Variants in CSF2 observed in about 807,000 individuals in gnomAD.
CSF2 encodes granulocyte-macrophage colony-stimulating factor.
A neutral mutation model predicts 13.5 loss-of-function variants in CSF2; 2 were observed. The observed-to-expected ratio is 0.15, with a 90% CI of 0.06 to 0.47. The LOEUF is 0.47. Among genes scored for constraint, CSF2 ranks in the 20% least tolerant of loss-of-function variants. The pLI is 0.97. For missense variants in CSF2, 141 were observed against 179.7 expected (o/e 0.78, Z 1.23); for synonymous variants, 66 against 69.2 (o/e 0.95, Z 0.23).
At chr5:132,075,007 C>A in intron 3 of CSF2, 72 bp downstream of exon 3, 1 of 1,607,968 alleles carries the variant, frequency 6.2e-7, no homozygotes, top group Non-Finnish European at 8.5e-7. Flanking sequence ...GGGGAGAGAT[C>A]TATGGCTGTG....
rs965489034 is a variant in CSF2, at chr5:132,075,642, C to T, written c.328-103C>T. On this transcript the variant is annotated intron_variant, in intron 3 of 3. Coordinates refer to ENST00000296871, the MANE Select transcript of CSF2 (RefSeq NM_000758.4). ...GTGTGTCCTGGAGTGGGCCTCCTGG[C>T]CTCTGAGTTCTAAGAGGCAGTAGAG... The T allele has an allele frequency of 3.4e-5, 31 of 923,480 alleles. No homozygotes were observed. In the East Asian group the frequency reaches 5.3e-4, roughly 16 times the overall value. 57.2% of individuals were successfully genotyped at this position (923,480 alleles called of 1,614,324 possible). A position where few individuals can be genotyped will look rare whatever the true frequency, so the allele number is the denominator to read the frequency against.
chr5:132,074,795 C>T lies in CSF2; in HGVS notation c.202-15C>T, dbSNP rs202195700. 6 of 1,613,838 alleles carry T rather than the reference C, an allele frequency of 3.7e-6. No homozygotes were observed. The African/African-American group carries it at 5.3e-5, about 14-fold the overall frequency. On this transcript the variant is annotated splice_polypyrimidine_tract_variant and intron_variant, in intron 2 of 3. Coordinates refer to ENST00000296871, the MANE Select transcript of CSF2 (RefSeq NM_000758.4). ...CACTTGGCCACTGCTCACCGACGAACGACATTTTCCACAGGAGCCGACCTG... is the reference window on the plus strand; with the variant it reads ...CACTTGGCCACTGCTCACCGACGAATGACATTTTCCACAGGAGCCGACCTG...
rs1446476889 is a variant in CSF2 at position 132,075,769 on chromosome 5, A to G, written c.352A>G (p.Ile118Val). 7 of 1,609,864 alleles carry G rather than the reference A, an allele frequency of 4.3e-6. No homozygotes were observed. Among genetic ancestry groups the G allele is most frequent in the Non-Finnish European group, 5.9e-6 (7 of 1,179,748 alleles). ...TPETSCATQIITFESFKENLK... is the reference protein window; with the variant it reads ...TPETSCATQIVTFESFKENLK... The stretch of plus-strand genomic sequence containing the variant: ...GGAAACTTCCTGTGCAACCCAGATT[A>G]TCACCTTTGAAAGTTTCAAAGAGAA... Residue 118 changes from isoleucine (I) to valine (V), a missense_variant, in exon 4 of 4, where the codon ATC becomes GTC. Physicochemically the swap from Ile to Val is conservative, Grantham distance 29. Coordinates refer to ENST00000296871, the MANE Select transcript of CSF2 (RefSeq NM_000758.4).
At position 132,073,859 on chromosome 5, in the gene CSF2, G is replaced by A. The variant is rs200740065; in HGVS notation, c.36G>A (p.Val12=). ...WLQSLLLLGT[V]ACSISAPARS... ...AGAGCCTGCTGCTCTTGGGCACTGT[G>A]GCCTGCAGCATCTCTGCACCCGCCC... The change falls in exon 1 of 4, where the codon GTG becomes GTA. Residue 12 remains valine (V), a synonymous_variant. Transcript: ENST00000296871. 2 of 1,612,870 alleles carry A rather than the reference G, an allele frequency of 1.2e-6. No individual in the cohort carries two copies. The highest frequency in any genetic ancestry group is 3.3e-5 in the Admixed American group (2 of 60,030).
intron 3 of CSF2, 57 bp downstream of exon 3, chr5:132,074,992 G>A (rs944284313): frequency 2.7e-5 from 44 of 1,610,826 alleles, no homozygotes; most frequent in Non-Finnish European, 3.5e-5. Context: ...GGGTGGGGTC[G>A]ACATGGGGAG....
Position 132,075,845 on chromosome 5 carries a change from A to G in CSF2, c.428A>G (p.Gln143Arg), listed in dbSNP as rs770771439. The G allele has an allele frequency of 6.8e-6, 11 of 1,608,782 alleles. No individual in the cohort carries two copies. The African/African-American group carries it at 1.5e-4, about 21-fold the overall frequency. ...VIPFDCWEPV[Q>R]E ...CCCTTTGACTGCTGGGAGCCAGTCC[A>G]GGAGTGAGACCGGCCAGATGAGGCT... Residue 143 changes from glutamine to arginine, a missense_variant, in exon 4 of 4, where the codon CAG becomes CGG. Coordinates refer to ENST00000296871, the MANE Select transcript of CSF2 (RefSeq NM_000758.4).
At position 132,073,817 on chromosome 5, in the gene CSF2, C is replaced by T; in HGVS notation, c.-7C>T. On this transcript the variant is annotated 5_prime_UTR_variant, in exon 1 of 4. Coordinates refer to ENST00000296871, the MANE Select transcript of CSF2 (RefSeq NM_000758.4). ...ACACAGAGAGAAAGGCTAAAGTTCT[C>T]TGGAGGATGTGGCTGCAGAGCCTGC... 6.2e-7 allele frequency: 1 copy of T among 1,612,136 alleles called. No homozygotes were observed.
chr5:132,074,786 AC>A (rs1301396203), intron 2 of CSF2, 23 bp from the exon 3 acceptor site: 1 of 1,613,660 alleles, frequency 6.2e-7, no homozygotes, highest in East Asian at 2.2e-5. Context: ...GCCACTGCTC[AC>A]CGACGAACGA....
intron 3 of CSF2, 87 bp from the exon 4 acceptor site, chr5:132,075,658 G>A: frequency 1.9e-6 from 2 of 1,051,142 alleles, no homozygotes; most frequent in East Asian, 2.4e-5. Context: ...AGTTCTAAGA[G>A]GCAGTAGAGA....
chr5:132,074,748 A>G, intron 2 of CSF2, 62 bp from the exon 3 acceptor site: 4 of 1,613,314 alleles, frequency 2.5e-6, no homozygotes, highest in African/African-American at 1.3e-5. Flanking sequence ...GGAGTGGTGG[A>G]GAGTTCTTGT....
At chr5:132,074,596 C>T (rs536428936) in intron 2 of CSF2, among the ~76,000 whole-genome samples, 13 of 152,280 alleles carry the variant, frequency 8.5e-5, no homozygotes, top group African/African-American at 2.6e-4. Flanking sequence ...GGGCTCCTCT[C>T]CAGGTGCCGC....
chr5:132,075,403 C>T lies in CSF2; in HGVS notation c.328-342C>T, dbSNP rs866959577. On this transcript the variant is annotated intron_variant, in intron 3 of 3. Coordinates refer to ENST00000296871, the MANE Select transcript of CSF2 (RefSeq NM_000758.4). ...TGCGGGAAGGGAGCAAAGTTTGTGGCCTTGACTCCACTCCTTCTGGGTGCC... is the reference window on the plus strand; with the variant it reads ...TGCGGGAAGGGAGCAAAGTTTGTGGTCTTGACTCCACTCCTTCTGGGTGCC... 7.9e-5 allele frequency among the ~76,000 whole-genome samples: 12 copies of T among 152,270 alleles called. No homozygotes were observed. The South Asian group carries it at 8.3e-4, about 10-fold the overall frequency.
chr5:132,074,869 C>T lies in CSF2; in HGVS notation c.261C>T (p.Leu87=). 3 of 1,613,576 alleles carry T rather than the reference C, an allele frequency of 1.9e-6. No individual in the cohort carries two copies. Among genetic ancestry groups the T allele is most frequent in the Non-Finnish European group, 2.5e-6 (3 of 1,180,038 alleles). The part of the protein sequence containing the change: ...ELYKQGLRGS[L]TKLKGPLTMM... The stretch of plus-strand genomic sequence containing the variant: ...ACAAGCAGGGCCTGCGGGGCAGCCT[C>T]ACCAAGCTCAAGGGCCCCTTGACCA... The change falls in exon 3 of 4, where the codon CTC becomes CTT. Residue 87 remains leucine, a synonymous_variant. Coordinates refer to ENST00000296871, the MANE Select transcript of CSF2 (RefSeq NM_000758.4).
At position 132,075,810 on chromosome 5, in the gene CSF2, G is replaced by T; in HGVS notation, c.393G>T (p.Leu131=). The stretch of plus-strand genomic sequence containing the variant: ...TCAAAGAGAACCTGAAGGACTTTCT[G>T]CTTGTCATCCCCTTTGACTGCTGGG... The part of the protein sequence containing the change: ...ESFKENLKDF[L]LVIPFDCWEP... Residue 131 remains leucine, a synonymous_variant, in exon 4 of 4, where the codon CTG becomes CTT. Transcript: ENST00000296871. 2 of 1,611,376 alleles carry T rather than the reference G, an allele frequency of 1.2e-6. No individual in the cohort carries two copies. Among genetic ancestry groups the T allele is most frequent in the Non-Finnish European group, 8.5e-7 (1 of 1,179,912 alleles).
Position 132,073,928 on chromosome 5 carries a change from C to T in CSF2, c.105C>T (p.Ala35=). The T allele has an allele frequency of 6.2e-7, 1 of 1,613,372 alleles. No homozygotes were observed. The highest frequency in any genetic ancestry group is 8.5e-7 in the Non-Finnish European group (1 of 1,180,036). ...PSTQPWEHVN[A]IQEARRLLNL... Reference sequence around the variant, plus strand: ...CGCAGCCCTGGGAGCATGTGAATGCCATCCAGGAGGCCCGGCGTCTCCTGA... The same window carrying T: ...CGCAGCCCTGGGAGCATGTGAATGCTATCCAGGAGGCCCGGCGTCTCCTGA... The change falls in exon 1 of 4, where the codon GCC becomes GCT. Residue 35 remains alanine (A), a synonymous_variant. Coordinates refer to ENST00000296871, the MANE Select transcript of CSF2 (RefSeq NM_000758.4).
rs899549095 is a variant in CSF2, at chr5:132,073,818, T to C, written c.-6T>C. The stretch of plus-strand genomic sequence containing the variant: ...CACAGAGAGAAAGGCTAAAGTTCTC[T>C]GGAGGATGTGGCTGCAGAGCCTGCT... On this transcript the variant is annotated 5_prime_UTR_variant, in exon 1 of 4. Coordinates refer to ENST00000296871, the MANE Select transcript of CSF2 (RefSeq NM_000758.4). 2.5e-6 allele frequency: 4 copies of C among 1,612,054 alleles called. 1 individual carries two copies. The African/African-American group carries it at 5.3e-5, about 22-fold the overall frequency.
rs764528813 is a variant in CSF2, at chr5:132,073,836, A to G, written c.13A>G (p.Ser5Gly). Reference sequence around the variant, plus strand: ...AGTTCTCTGGAGGATGTGGCTGCAGAGCCTGCTGCTCTTGGGCACTGTGGC... The same window carrying G: ...AGTTCTCTGGAGGATGTGGCTGCAGGGCCTGCTGCTCTTGGGCACTGTGGC... Reference protein sequence around the residue: MWLQSLLLLGTVACS... With the variant: MWLQGLLLLGTVACS... The change falls in exon 1 of 4, where the codon AGC becomes GGC. Residue 5 changes from serine to glycine, a missense_variant. Coordinates refer to ENST00000296871, the MANE Select transcript of CSF2 (RefSeq NM_000758.4). 2 of 1,612,512 alleles carry G rather than the reference A, an allele frequency of 1.2e-6. No individual in the cohort carries two copies. The highest frequency in any genetic ancestry group is 1.7e-6 in the Non-Finnish European group (2 of 1,180,026).
chr5:132,075,653 T>A (rs1049718160), intron 3 of CSF2, 92 bp from the exon 4 acceptor site: 4 of 1,029,414 alleles, frequency 3.9e-6, no homozygotes, highest in African/African-American at 3.2e-5. Flanking sequence ...CTCTGAGTTC[T>A]AAGAGGCAGT....
At position 132,075,929 on chromosome 5, in the gene CSF2, C is replaced by A; in HGVS notation, c.*77C>A. 8.3e-7 allele frequency: 1 copy of A among 1,206,424 alleles called. No individual in the cohort carries two copies. The highest frequency in any genetic ancestry group is 1.2e-6 in the Non-Finnish European group (1 of 822,824). The allele number at this position is 1,206,424 out of a possible 1,614,324, so 74.7% of individuals were successfully genotyped here. ...AGAGCTAGAAACTCAGGATGGTCAT[C>A]TTGGAGGGACCAAGGGGTGGGCCAC... is the stretch of plus-strand genomic sequence containing the variant. On this transcript the variant is annotated 3_prime_UTR_variant, in exon 4 of 4. Transcript: ENST00000296871.
Sources: gnomAD v4.1 joint callset for allele counts (sites outside exome capture counted in the v4.1 genomes callset) on GRCh38, gnomAD v4.1.1 for gene constraint, MANE v1.5 for transcripts, NCBI Gene and HGNC (gene_info 2026-07-23, HGNC 2026-07-21) for gene names.